The following COL5A2 variants were observed in gnomAD, a reference collection of about 807,000 sequenced individuals.
COL5A2 encodes collagen alpha-2(V) chain.
COL5A2 carries 23 observed loss-of-function variants against 208.2 expected under a neutral mutation model. The ratio of observed to expected loss-of-function variants is 0.11; its 90% CI spans 0.08 to 0.16. The LOEUF is 0.16. Ranked by LOEUF, COL5A2 falls within the 10% of genes least tolerant of loss-of-function variation. The pLI is 1.00. For synonymous variants in COL5A2, 625 were observed against 628.5 expected (o/e 0.99, Z 0.08); for missense variants, 1,590 against 1,956.4 (o/e 0.81, Z 3.53).
intron 19 of COL5A2, among the ~76,000 whole-genome samples, chr2:189,068,478 T>C (rs1686202124): frequency 6.6e-6 from 1 of 152,148 alleles, no homozygotes; most frequent in African/African-American, 2.4e-5. Context: ...GGGAAATATA[T>C]TTTTTCACAG....
chr2:189,400,765 T>C, the COL5A2 span, among the ~76,000 whole-genome samples: 34 of 152,328 alleles, frequency 2.2e-4, no homozygotes, highest in East Asian at 5.8e-3. Flanking sequence ...TTGCAAATGT[T>C]CTGAGGAACA....
At chr2:189,042,689 C>A (rs1322048791) in intron 49 of COL5A2, 31 bp downstream of exon 49, 4 of 1,594,836 alleles carry the variant, frequency 2.5e-6, no homozygotes, top group Non-Finnish European at 3.4e-6. Context: ...TTATTATTTA[C>A]ACCTGCAACT....
the COL5A2 span, among the ~76,000 whole-genome samples, chr2:189,394,462 A>G: frequency 6.6e-6 from 1 of 152,162 alleles, no homozygotes; most frequent in African/African-American, 2.4e-5. Context: ...ATTAGCGCCC[A>G]TCTAAGAGGA....
the COL5A2 span, among the ~76,000 whole-genome samples, chr2:189,334,077 A>C: frequency 1.3e-5 from 2 of 152,058 alleles, no homozygotes; most frequent in African/African-American, 2.4e-5. Flanking sequence ...ACCCAGTCAT[A>C]ATTCAAAATT....
At chr2:189,286,651 T>C in the COL5A2 span, among the ~76,000 whole-genome samples, 2 of 152,180 alleles carry the variant, frequency 1.3e-5, no homozygotes, top group Non-Finnish European at 2.9e-5. Flanking sequence ...CAGTCTTCAA[T>C]GGTTTTAAGA....
chr2:189,439,645 A>G, the COL5A2 span, among the ~76,000 whole-genome samples: 1 of 152,240 alleles, frequency 6.6e-6, no homozygotes, highest in African/African-American at 2.4e-5. Flanking sequence ...TTCCTTAAAA[A>G]TTATGTAAAA....
At chr2:189,427,369 T>C in the COL5A2 span, among the ~76,000 whole-genome samples, 1 of 152,178 alleles carries the variant, frequency 6.6e-6, no homozygotes, top group Non-Finnish European at 1.5e-5. Flanking sequence ...AGAAAACGTA[T>C]GGAATAGCCT....
the COL5A2 span, among the ~76,000 whole-genome samples, chr2:189,330,245 G>C: frequency 2.6e-5 from 4 of 152,246 alleles, no homozygotes; most frequent in South Asian, 2.1e-4. Context: ...TGTAGGAAGA[G>C]AGCAGAGTAA....
intron 1 of COL5A2, among the ~76,000 whole-genome samples, chr2:189,135,582 G>A (rs1687812424): frequency 6.6e-6 from 1 of 152,152 alleles, no homozygotes. Context: ...GTAGGCTAAT[G>A]TCTTTCAATT....
intron 1 of COL5A2, among the ~76,000 whole-genome samples, chr2:189,117,494 T>G (rs1419116645): frequency 6.6e-6 from 1 of 152,106 alleles, no homozygotes; most frequent in Non-Finnish European, 1.5e-5. Flanking sequence ...GATGTCTACT[T>G]AATCTCTCCT....
chr2:189,274,251 T>C, the COL5A2 span, among the ~76,000 whole-genome samples: 1 of 152,254 alleles, frequency 6.6e-6, no homozygotes, highest in South Asian at 2.1e-4. Flanking sequence ...CTAACTCTGG[T>C]ACGACACTGA....
At chr2:189,247,368 C>T in the COL5A2 span, among the ~76,000 whole-genome samples, 2 of 151,994 alleles carry the variant, frequency 1.3e-5, no homozygotes, top group African/African-American at 4.8e-5. Flanking sequence ...CAAAAGAAGC[C>T]CTGTGGTTAA....
chr2:189,059,576 TC>T (rs1666958777), intron 31 of COL5A2, among the ~76,000 whole-genome samples: 1 of 140,600 alleles, frequency 7.1e-6, no homozygotes, highest in Non-Finnish European at 1.5e-5. Flanking sequence ...CCTTCTTTTT[TC>T]TTTTCTGGTT....
At chr2:189,095,845 A>T (rs1390395407) in intron 6 of COL5A2, 1 of 151,652 alleles carries the variant, frequency 6.6e-6, no homozygotes. Context: ...GATCTAGGAG[A>T]GACATCTGGA....
chr2:189,157,829 A>G (rs1688284259), intron 1 of COL5A2, among the ~76,000 whole-genome samples: 2 of 152,008 alleles, frequency 1.3e-5, no homozygotes, highest in Non-Finnish European at 2.9e-5. Flanking sequence ...GCAATAATAA[A>G]CTACAGTATT....
Position 189,088,749 on chromosome 2 carries a change from C to T in COL5A2, c.591G>A (p.Gly197=). ...TCCCAAGTCCAGATTTTTCATCCAA[C>T]CCAGCCATTTGAGCTGAAAACGGCT... The part of the protein sequence containing the change: ...LSRPFSAQMA[G]LDEKSGLGSQ... The change falls in exon 8 of 54, where the codon GGG becomes GGA. Residue 197 remains glycine (G), a synonymous_variant. Coordinates refer to ENST00000374866, the MANE Select transcript of COL5A2 (RefSeq NM_000393.5). 1.2e-6 allele frequency: 2 copies of T among 1,614,016 alleles called. No homozygotes were observed. Among genetic ancestry groups the T allele is most frequent in the African/African-American group, 1.3e-5 (1 of 75,040 alleles).
chr2:189,176,902 A>G (rs932671546), intron 1 of COL5A2, among the ~76,000 whole-genome samples: 11 of 152,170 alleles, frequency 7.2e-5, no homozygotes, highest in Non-Finnish European at 1.3e-4. Flanking sequence ...TTTCTTATAA[A>G]TTTAGAAAAT....
the COL5A2 span, among the ~76,000 whole-genome samples, chr2:189,320,338 G>A: frequency 2.6e-5 from 4 of 152,252 alleles, no homozygotes; most frequent in African/African-American, 4.8e-5. Context: ...TGAGTTGAGA[G>A]AAGAAGGCTT....
At chr2:189,126,863 C>A (rs1300226730) in intron 1 of COL5A2, among the ~76,000 whole-genome samples, 2 of 152,060 alleles carry the variant, frequency 1.3e-5, no homozygotes, top group African/African-American at 4.8e-5. Context: ...GTTTTCCACC[C>A]AACAAATACT....
Sources: allele counts gnomAD v4.1 joint callset (sites outside exome capture counted in the v4.1 genomes callset), GRCh38; gene constraint gnomAD v4.1.1; transcripts MANE v1.5; gene names NCBI Gene and HGNC (gene_info 2026-07-23, HGNC 2026-07-21).